Variants in PLXDC2 observed in about 807,000 individuals in gnomAD.
PLXDC2 encodes plexin domain-containing protein 2.
A neutral mutation model predicts 68.9 loss-of-function variants in PLXDC2; 40 were observed. The ratio of observed to expected loss-of-function variants is 0.58; its 90% CI spans 0.45 to 0.76. PLXDC2 has a LOEUF of 0.76. Among genes scored for constraint, PLXDC2 ranks in the 30% least tolerant of loss-of-function variants. The probability of loss-of-function intolerance (pLI) is 0.00; values close to 1 mark genes in which losing one functional copy is unlikely to be tolerated. For synonymous variants in PLXDC2, 243 were observed against 234.2 expected (o/e 1.04, Z -0.34); for missense variants, 644 against 661.9 (o/e 0.97, Z 0.30).
chr10:19,981,452 A>G (rs981710464), intron 1 of PLXDC2, among the ~76,000 whole-genome samples: 7 of 152,162 alleles, frequency 4.6e-5, no homozygotes, highest in Non-Finnish European at 8.8e-5. Context: ...TTGAAGTGCA[A>G]TTGAGACTTG....
At chr10:20,124,234 C>T (rs2461928) in intron 4 of PLXDC2, among the ~76,000 whole-genome samples, 139,192 of 152,114 alleles carry the variant, frequency 0.92, 63,840 homozygotes, top group African/African-American at 0.94. Flanking sequence ...TGCCAGAGTT[C>T]TGGGTCCACG....
chr10:20,010,925 G>A (rs987090787), intron 2 of PLXDC2, among the ~76,000 whole-genome samples: 4 of 152,138 alleles, frequency 2.6e-5, no homozygotes, highest in Non-Finnish European at 5.9e-5. Context: ...TGAATATAGA[G>A]AATGCCAAGT....
At chr10:19,993,262 T>G (rs77662905) in intron 1 of PLXDC2, among the ~76,000 whole-genome samples, 4,961 of 152,240 alleles carry the variant, frequency 0.033, 258 homozygotes, top group African/African-American at 0.11. Flanking sequence ...TTTTATTAAT[T>G]ATGGCTCATT....
chr10:20,074,036 T>A (rs1836389868), intron 4 of PLXDC2, among the ~76,000 whole-genome samples: 2 of 152,252 alleles, frequency 1.3e-5, no homozygotes, highest in South Asian at 2.1e-4. Flanking sequence ...ATTATACAGA[T>A]AATTTTGGCC....
chr10:20,020,951 C>T (rs4307623), intron 2 of PLXDC2, among the ~76,000 whole-genome samples: 1 of 152,198 alleles, frequency 6.6e-6, no homozygotes, highest in Non-Finnish European at 1.5e-5. Flanking sequence ...AAAAAGTAAT[C>T]TGGAGCTTTT....
chr10:20,180,526 C>T (rs1414162763), intron 9 of PLXDC2, among the ~76,000 whole-genome samples: 1 of 152,032 alleles, frequency 6.6e-6, no homozygotes, highest in Non-Finnish European at 1.5e-5. Context: ...CAGGAGAAGT[C>T]TTATCCTAAG....
chr10:20,211,150 G>C (rs925330585), intron 9 of PLXDC2, among the ~76,000 whole-genome samples: 1 of 151,912 alleles, frequency 6.6e-6, no homozygotes, highest in Admixed American at 6.6e-5. Context: ...CTTTTTTTTG[G>C]AACATGCAGG....
At chr10:20,061,658 C>T (rs528311106) in intron 3 of PLXDC2, among the ~76,000 whole-genome samples, 1 of 152,262 alleles carries the variant, frequency 6.6e-6, no homozygotes, top group Admixed American at 6.5e-5. Flanking sequence ...CTGATTTTAG[C>T]GTTCACTCTT....
At chr10:19,859,621 G>A (rs993945520) in intron 1 of PLXDC2, among the ~76,000 whole-genome samples, 1 of 152,156 alleles carries the variant, frequency 6.6e-6, no homozygotes, top group Non-Finnish European at 1.5e-5. Flanking sequence ...GCCTTTCCAT[G>A]TGGAAAATGC....
intron 2 of PLXDC2, among the ~76,000 whole-genome samples, chr10:20,009,085 G>C (rs981021472): frequency 1.3e-5 from 2 of 152,140 alleles, no homozygotes; most frequent in African/African-American, 4.8e-5. Flanking sequence ...TTAAGCCTAA[G>C]GAAGCTCACT....
At chr10:20,117,988 G>A (rs1017171207) in intron 4 of PLXDC2, among the ~76,000 whole-genome samples, 1 of 152,054 alleles carries the variant, frequency 6.6e-6, no homozygotes, top group Admixed American at 6.6e-5. Context: ...TTGTATTGAT[G>A]TATAAAATCA....
At chr10:20,112,777 G>A (rs12262455) in intron 4 of PLXDC2, among the ~76,000 whole-genome samples, 509 of 152,280 alleles carry the variant, frequency 3.3e-3, no homozygotes, top group African/African-American at 0.011. Flanking sequence ...AATTTTTACC[G>A]TGGAATATAT....
At chr10:20,123,281 C>T (rs117058927) in intron 4 of PLXDC2, among the ~76,000 whole-genome samples, 5,647 of 151,784 alleles carry the variant, frequency 0.037, 135 homozygotes, top group South Asian at 0.067. Flanking sequence ...GACTCAGAGA[C>T]GCTTGGGGTT....
At chr10:19,921,913 A>G in intron 1 of PLXDC2, among the ~76,000 whole-genome samples, 1 of 152,112 alleles carries the variant, frequency 6.6e-6, no homozygotes, top group Non-Finnish European at 1.5e-5. Flanking sequence ...TCTGGAATGC[A>G]GTGGCATGAT....
intron 13 of PLXDC2, among the ~76,000 whole-genome samples, chr10:20,248,565 G>A (rs933750166): frequency 6.6e-6 from 1 of 152,068 alleles, no homozygotes; most frequent in Non-Finnish European, 1.5e-5. Flanking sequence ...TTTCCTTCCT[G>A]TGGAGTCAGT....
intron 1 of PLXDC2, among the ~76,000 whole-genome samples, chr10:19,936,354 C>G (rs577437042): frequency 5.2e-4 from 79 of 152,250 alleles, no homozygotes; most frequent in African/African-American, 1.7e-3. Context: ...TGTAAAGAGA[C>G]AGATGGTAAA....
At chr10:20,215,229 T>C (rs1026548671) in intron 10 of PLXDC2, among the ~76,000 whole-genome samples, 1 of 146,720 alleles carries the variant, frequency 6.8e-6, no homozygotes, top group Non-Finnish European at 1.5e-5. Flanking sequence ...ATCTGCACCA[T>C]AGGCTGATGA....
chr10:19,826,214 A>G (rs1725593494), intron 1 of PLXDC2, among the ~76,000 whole-genome samples: 2 of 152,178 alleles, frequency 1.3e-5, no homozygotes, highest in Non-Finnish European at 2.9e-5. Flanking sequence ...TATGTTTAAG[A>G]TTGCCCAAAA....
At chr10:19,852,703 C>T (rs1289667808) in intron 1 of PLXDC2, among the ~76,000 whole-genome samples, 4 of 152,012 alleles carry the variant, frequency 2.6e-5, no homozygotes, top group African/African-American at 4.8e-5. Flanking sequence ...TGGATGATAT[C>T]GTGGACTTTG....
Sources: gnomAD v4.1 joint callset for allele counts (sites outside exome capture counted in the v4.1 genomes callset) on GRCh38, gnomAD v4.1.1 for gene constraint, MANE v1.5 for transcripts, NCBI Gene and HGNC (gene_info 2026-07-23, HGNC 2026-07-21) for gene names.